The following TDRKH variants were observed in gnomAD, a reference collection of about 807,000 sequenced individuals.
TDRKH encodes the protein tudor and KH domain-containing protein.
TDRKH carries 28 observed loss-of-function variants against 61.3 expected under a neutral mutation model. That is an observed-to-expected ratio of 0.46 (90% CI 0.34 to 0.63). TDRKH has a LOEUF of 0.63. Ranked by LOEUF, TDRKH falls within the 20% of genes least tolerant of loss-of-function variation. TDRKH has a pLI of 0.01. For synonymous variants in TDRKH, 219 were observed against 244.4 expected (o/e 0.90, Z 0.97); for missense variants, 540 against 683.4 (o/e 0.79, Z 2.34).
rs778990003 is a variant in TDRKH at position 151,776,302 on chromosome 1, T to C, written c.1045-34A>G. On this transcript the variant is annotated intron_variant, in intron 7 of 12. Transcript: ENST00000368824. Reference sequence around the variant, plus strand: ...GGGGAGGAGGAGAAAGGCAGAGAGTTACAAAGTGGTAGGCTCATAAACAGA... The same window carrying C: ...GGGGAGGAGGAGAAAGGCAGAGAGTCACAAAGTGGTAGGCTCATAAACAGA... 1.9e-6 allele frequency: 3 copies of C among 1,606,900 alleles called. No homozygotes were observed. In the South Asian group the frequency reaches 3.3e-5, roughly 18 times the overall value.
chr1:151,783,151 C>T (rs1017399663), intron 1 of TDRKH, 102 bp from the exon 2 acceptor site: 23 of 1,033,220 alleles, frequency 2.2e-5, no homozygotes, highest in African/African-American at 1.0e-4. Flanking sequence ...ACTACTACTG[C>T]CTACCTTCCA....
intron 6 of TDRKH, among the ~76,000 whole-genome samples, chr1:151,778,442 G>A (rs1258233817): frequency 6.6e-6 from 1 of 152,182 alleles, no homozygotes; most frequent in Non-Finnish European, 1.5e-5. Context: ...ATTAGGAGCA[G>A]AATCTTATAC....
intron 2 of TDRKH, 109 bp downstream of exon 2, chr1:151,782,790 C>A: frequency 7.1e-7 from 1 of 1,408,312 alleles, no homozygotes. Context: ...CACAAAAAAC[C>A]CCAAAACAAA....
At chr1:151,769,089 G>A (rs1648487202), downstream of TDRKH, among the ~76,000 whole-genome samples, 1 of 151,702 alleles carries the variant, frequency 6.6e-6, no homozygotes, top group African/African-American at 2.4e-5. Flanking sequence ...GCAACAATCT[G>A]ATTTCTCTAT....
At position 151,779,184 on chromosome 1, in the gene TDRKH, A is replaced by G; in HGVS notation, c.480T>C (p.Cys160=). ...ICKASGAKIT[C]DKESEGTLLL... ...GTAATGTCCCTTCTGATTCTTTGTC[A>G]CAGGTAATTTTGGCTCCAGATGCCT... The change falls in exon 5 of 13, where the codon TGT becomes TGC. Residue 160 remains cysteine (C), a synonymous_variant. Transcript: ENST00000368824. 6.2e-7 allele frequency: 1 copy of G among 1,614,162 alleles called. No individual in the cohort carries two copies. The highest frequency in any genetic ancestry group is 2.2e-5 in the East Asian group (1 of 44,890).
chr1:151,779,012 G>A lies in TDRKH; in HGVS notation c.562-6C>T. On this transcript the variant is annotated splice_region_variant and splice_polypyrimidine_tract_variant and intron_variant, in intron 5 of 12. Transcript: ENST00000368824. ...ACTTTCTCCAGTATCAAATGCTGTGGAAAACAAGAGAAAGGATGATATTCT... is the reference window on the plus strand; with the variant it reads ...ACTTTCTCCAGTATCAAATGCTGTGAAAAACAAGAGAAAGGATGATATTCT... The A allele has an allele frequency of 6.2e-7, 1 of 1,612,586 alleles. No individual in the cohort carries two copies. Among genetic ancestry groups the A allele is most frequent in the East Asian group, 2.2e-5 (1 of 44,878 alleles).
Position 151,790,428 on chromosome 1 carries a change from T to C in TDRKH, c.-76A>G, listed in dbSNP as rs1650813090. The C allele has an allele frequency of 6.5e-6, 1 of 153,118 alleles. No individual in the cohort carries two copies. The highest frequency in any genetic ancestry group is 1.5e-5 in the Non-Finnish European group (1 of 68,892). The allele number at this position is 153,118 out of a possible 1,614,324, so 9.5% of individuals were successfully genotyped here. A position where few individuals can be genotyped will look rare whatever the true frequency, so the allele number is the denominator to read the frequency against. On this transcript the variant is annotated 5_prime_UTR_variant, in exon 1 of 13. Transcript: ENST00000368824. ...ACCGCTGCTCCAGTCAGCCGTCGAG[T>C]GCGCCGCCTCGCGCCTCACCCCAGC...
At chr1:151,788,045 T>C (rs1202025001) in intron 1 of TDRKH, among the ~76,000 whole-genome samples, 1 of 151,962 alleles carries the variant, frequency 6.6e-6, no homozygotes, top group African/African-American at 2.4e-5. Flanking sequence ...ACAAATAATA[T>C]GCATCTTATA....
intron 3 of TDRKH, among the ~76,000 whole-genome samples, chr1:151,781,072 C>G (rs2101603549): frequency 6.6e-6 from 1 of 151,384 alleles, no homozygotes; most frequent in South Asian, 2.1e-4. Flanking sequence ...TCCCAGCACT[C>G]TGGGAGGCCG....
chr1:151,767,192 C>G (rs568688664), downstream of TDRKH: 1 of 1,613,842 alleles, frequency 6.2e-7, no homozygotes, highest in African/African-American at 1.3e-5. Flanking sequence ...GAGGACTTGA[C>G]ACTCCAGCCC....
downstream of TDRKH, chr1:151,770,640 GA>G (rs947134015): frequency 1.4e-4 from 35 of 246,978 alleles, no homozygotes; most frequent in African/African-American, 7.1e-4. Flanking sequence ...ATATGTTACA[GA>G]AACTATAGCC....
Position 151,774,150 on chromosome 1 carries a change from A to G in TDRKH, c.*302T>C, listed in dbSNP as rs990830561. Reference sequence around the variant, plus strand: ...TTTGGTCCACAGCAAGCCAGACTATATGTGTAATAAAGGAAGGACTGCATG... The same window carrying G: ...TTTGGTCCACAGCAAGCCAGACTATGTGTGTAATAAAGGAAGGACTGCATG... On this transcript the variant is annotated 3_prime_UTR_variant, in exon 13 of 13. Coordinates refer to ENST00000368824, the MANE Select transcript of TDRKH (RefSeq NM_001083965.2). 2.6e-5 allele frequency: 9 copies of G among 347,324 alleles called. No individual in the cohort carries two copies. Among genetic ancestry groups the G allele is most frequent in the Non-Finnish European group, 4.7e-5 (9 of 191,014 alleles). The allele number at this position is 347,324 out of a possible 1,614,324, so 21.5% of individuals were successfully genotyped here. A position where few individuals can be genotyped will look rare whatever the true frequency, so the allele number is the denominator to read the frequency against.
At chr1:151,779,295 T>C (rs1233953710) in intron 4 of TDRKH, 53 bp from the exon 5 acceptor site, 75 of 1,592,926 alleles carry the variant, frequency 4.7e-5, no homozygotes, top group Non-Finnish European at 6.2e-5. Context: ...CAACCTTAGC[T>C]ACTGGAGAAA....
In TDRKH at chr1:151,779,333, A is replaced by G. The variant is rs986602382; in HGVS notation, c.422-91T>C. 1.4e-5 allele frequency: 20 copies of G among 1,481,236 alleles called. No homozygotes were observed. In the Admixed American group the frequency reaches 4.5e-4, roughly 33 times the overall value. 91.8% of individuals were successfully genotyped at this position (1,481,236 alleles called of 1,614,324 possible). ...ACTGTTTTGTATATACTAGGAGAAG[A>G]GAATCAGTTCTCATTTCTAAAGTGA... On this transcript the variant is annotated intron_variant, in intron 4 of 12. Transcript: ENST00000368824.
downstream of TDRKH, chr1:151,766,767 A>G: frequency 2.6e-6 from 4 of 1,565,030 alleles, no homozygotes; most frequent in Non-Finnish European, 3.5e-6. Context: ...CCTTTCTTAT[A>G]TCAAGAGGGG....
At chr1:151,766,900 C>T (rs752253760), downstream of TDRKH, 3 of 1,587,142 alleles carry the variant, frequency 1.9e-6, no homozygotes, top group South Asian at 3.3e-5. Flanking sequence ...TACTTGTTTT[C>T]ATCTCTATTT....
At chr1:151,788,865 T>C (rs1035501436) in intron 1 of TDRKH, among the ~76,000 whole-genome samples, 1 of 152,188 alleles carries the variant, frequency 6.6e-6, no homozygotes, top group Non-Finnish European at 1.5e-5. Flanking sequence ...TGAATTACAT[T>C]GCTATGGGTT....
chr1:151,775,028 C>T (rs1389325377), intron 11 of TDRKH, 37 bp downstream of exon 11: 5 of 1,602,400 alleles, frequency 3.1e-6, no homozygotes, highest in South Asian at 1.1e-5. Context: ...GCTAGATTTG[C>T]CTGGAAGCAG....
downstream of TDRKH, chr1:151,771,354 G>C: frequency 4.0e-6 from 6 of 1,483,276 alleles, no homozygotes; most frequent in Non-Finnish European, 4.5e-6. Flanking sequence ...GTTTCTTGGG[G>C]GGGTGGGTAA....
Sources: allele counts gnomAD v4.1 joint callset (sites outside exome capture counted in the v4.1 genomes callset), GRCh38; gene constraint gnomAD v4.1.1; transcripts MANE v1.5; gene names NCBI Gene and HGNC (gene_info 2026-07-23, HGNC 2026-07-21).